RASAL2: variants seen among roughly 807,000 people sequenced by gnomAD.
RASAL2 encodes the protein RAS protein activator like 2.
A neutral mutation model predicts 128.9 loss-of-function variants in RASAL2; 58 were observed. The observed-to-expected ratio is 0.45, with a 90% CI of 0.36 to 0.56. The LOEUF is 0.56. RASAL2 is among the 20% of genes least tolerant of loss of function. RASAL2 has a pLI of 0.00. For synonymous variants in RASAL2, 561 were observed against 580.8 expected (o/e 0.97, Z 0.49); for missense variants, 1,360 against 1,601.6 (o/e 0.85, Z 2.57).
intron 1 of RASAL2, among the ~76,000 whole-genome samples, chr1:178,253,520 A>T (rs1159649746): frequency 6.6e-6 from 1 of 152,164 alleles, no homozygotes; most frequent in East Asian, 1.9e-4. Context: ...ACCACCAAAC[A>T]GGCTTTGTGT....
chr1:178,270,078 A>T (rs993060658), intron 1 of RASAL2, among the ~76,000 whole-genome samples: 5 of 152,170 alleles, frequency 3.3e-5, no homozygotes, highest in Non-Finnish European at 7.4e-5. Flanking sequence ...TTTCTGTCAG[A>T]ATATTGAACT....
intron 1 of RASAL2, among the ~76,000 whole-genome samples, chr1:178,218,711 C>G (rs1203899621): frequency 3.3e-5 from 5 of 152,116 alleles, no homozygotes; most frequent in Non-Finnish European, 7.4e-5. Flanking sequence ...GTTTGCCATG[C>G]TTAAAACAGA....
rs530450237 is a variant in RASAL2 at position 178,130,922 on chromosome 1, T to G, written c.202+36228T>G. Among the ~76,000 whole-genome samples, 33 of 151,846 alleles carry G rather than the reference T, an allele frequency of 2.2e-4. No individual in the cohort carries two copies. In the East Asian group the frequency reaches 6.4e-3, roughly 29 times the overall value. ...ACAAAAAATTAGCCGGGCGCGGTGG[T>G]GGGTGCCTGTAGTCCCAGCTACTCG... On this transcript the variant is annotated intron_variant, in intron 1 of 17. Transcript: ENST00000367649.
At chr1:178,223,319 T>C (rs1445841434) in intron 1 of RASAL2, among the ~76,000 whole-genome samples, 2 of 152,082 alleles carry the variant, frequency 1.3e-5, no homozygotes, top group African/African-American at 4.8e-5. Flanking sequence ...TAAAGGCCTG[T>C]AATAGGGAGA....
intron 5 of RASAL2, among the ~76,000 whole-genome samples, chr1:178,437,432 G>T (rs559954171): frequency 2.0e-5 from 3 of 152,206 alleles, no homozygotes; most frequent in Admixed American, 6.5e-5. Context: ...ATGATTTGGG[G>T]TTGCACTGCC....
intron 1 of RASAL2, among the ~76,000 whole-genome samples, chr1:178,110,274 G>C (rs2102242461): frequency 6.6e-6 from 1 of 151,794 alleles, no homozygotes; most frequent in Non-Finnish European, 1.5e-5. Flanking sequence ...GAATTTTATG[G>C]ACATTAATCC....
chr1:178,290,568 T>C (rs1487728157), intron 2 of RASAL2, among the ~76,000 whole-genome samples: 1 of 152,234 alleles, frequency 6.6e-6, no homozygotes, highest in Non-Finnish European at 1.5e-5. Flanking sequence ...CAGTGGTAGT[T>C]GCACAACGTT....
chr1:178,337,406 T>C (rs1669640047), intron 3 of RASAL2, among the ~76,000 whole-genome samples: 1 of 152,212 alleles, frequency 6.6e-6, no homozygotes, highest in East Asian at 1.9e-4. Flanking sequence ...TGTTTGTCAT[T>C]CAAATGATAA....
At chr1:178,130,287 A>C (rs1660055429) in intron 1 of RASAL2, among the ~76,000 whole-genome samples, 1 of 152,212 alleles carries the variant, frequency 6.6e-6, no homozygotes, top group African/African-American at 2.4e-5. Context: ...TTGGCAGGTC[A>C]TATGACTTTG....
At position 178,444,722 on chromosome 1, in the gene RASAL2, G is replaced by T. The variant is rs188470367; in HGVS notation, c.1483-796G>T. ...GGATGGATGGGTGGGCGGGCAGACA[G>T]AAAGATAGCCTAGACAATGACTTCA... On this transcript the variant is annotated intron_variant, in intron 8 of 17. Coordinates refer to ENST00000367649, the MANE Select transcript of RASAL2 (RefSeq NM_170692.4). Among the ~76,000 whole-genome samples, 109 of 152,200 alleles carry T rather than the reference G, an allele frequency of 7.2e-4. 1 individual carries two copies. Among genetic ancestry groups the T allele is most frequent in the Non-Finnish European group, 1.1e-3 (73 of 68,006 alleles).
Position 178,094,140 on chromosome 1 carries a change from T to C in RASAL2, c.-353T>C, listed in dbSNP as rs900069304. The C allele has an allele frequency of 2.1e-5, 6 of 289,860 alleles. No homozygotes were observed. Among genetic ancestry groups the C allele is most frequent in the African/African-American group, 1.1e-4 (5 of 44,396 alleles). The allele number at this position is 289,860 out of a possible 1,614,324, so 18.0% of individuals were successfully genotyped here. On this transcript the variant is annotated 5_prime_UTR_variant, in exon 1 of 18. Transcript: ENST00000367649. Reference sequence around the variant, plus strand: ...TGACCGCGAGAGACGCCGGCGGGGCTGAAGAAGGCGGCTCCGAGGAGGTGG... The same window carrying C: ...TGACCGCGAGAGACGCCGGCGGGGCCGAAGAAGGCGGCTCCGAGGAGGTGG...
rs185214164 is a variant in RASAL2 at position 178,155,465 on chromosome 1, A to C, written c.202+60771A>C. Among the ~76,000 whole-genome samples, 550 of 151,488 alleles carry C rather than the reference A, an allele frequency of 3.6e-3. 3 individuals carry two copies. The highest frequency in any genetic ancestry group is 7.4e-3 in the Admixed American group (113 of 15,218). Reference sequence around the variant, plus strand: ...CACTCAGTACATTATAAACCAGCAAAAAAAAAAAAAAAAATTTTAGAAGTA... The same window carrying C: ...CACTCAGTACATTATAAACCAGCAACAAAAAAAAAAAAAATTTTAGAAGTA... On this transcript the variant is annotated intron_variant, in intron 1 of 17. Coordinates refer to ENST00000367649, the MANE Select transcript of RASAL2 (RefSeq NM_170692.4).
At chr1:178,418,750 AC>A (rs1354233372) in intron 4 of RASAL2, among the ~76,000 whole-genome samples, 3 of 152,334 alleles carry the variant, frequency 2.0e-5, no homozygotes, top group Admixed American at 2.0e-4. Context: ...ACCTGGTAGT[AC>A]TATATATCCC....
At chr1:178,225,405 T>C (rs150333544) in intron 1 of RASAL2, among the ~76,000 whole-genome samples, 32 of 152,114 alleles carry the variant, frequency 2.1e-4, no homozygotes, top group African/African-American at 7.2e-4. Context: ...CATACTGATA[T>C]ATTAATCATT....
At chr1:178,245,552 T>G (rs1204566555) in intron 1 of RASAL2, among the ~76,000 whole-genome samples, 1 of 152,232 alleles carries the variant, frequency 6.6e-6, no homozygotes, top group Non-Finnish European at 1.5e-5. Flanking sequence ...TAGTTTCTTT[T>G]GCTGAGCAGA....
chr1:178,258,362 T>G (rs1001447207), intron 1 of RASAL2, among the ~76,000 whole-genome samples: 1 of 150,130 alleles, frequency 6.7e-6, no homozygotes, highest in Non-Finnish European at 1.5e-5. Context: ...ATTTGCAAAT[T>G]AATTACCTAA....
chr1:178,167,201 T>C (rs1356133847), intron 1 of RASAL2, among the ~76,000 whole-genome samples: 1 of 152,132 alleles, frequency 6.6e-6, no homozygotes, highest in Non-Finnish European at 1.5e-5. Flanking sequence ...TGTCTTATGC[T>C]ATTTAAACAC....
At chr1:178,099,790 G>T (rs1157116551) in intron 1 of RASAL2, among the ~76,000 whole-genome samples, 1 of 151,920 alleles carries the variant, frequency 6.6e-6, no homozygotes, top group African/African-American at 2.4e-5. Context: ...GTGAAACCCC[G>T]TTTCTACTAA....
intron 1 of RASAL2, among the ~76,000 whole-genome samples, chr1:178,143,530 T>C (rs536098219): frequency 1.3e-5 from 2 of 152,240 alleles, no homozygotes; most frequent in African/African-American, 2.4e-5. Flanking sequence ...CAAGATACTT[T>C]AGGGGACTAA....
Sources: allele counts gnomAD v4.1 joint callset (sites outside exome capture counted in the v4.1 genomes callset), GRCh38; gene constraint gnomAD v4.1.1; transcripts MANE v1.5; gene names NCBI Gene and HGNC (gene_info 2026-07-23, HGNC 2026-07-21).